Variants in DIPK1A observed in about 807,000 individuals in gnomAD.
DIPK1A encodes family with sequence similarity 69 member A.
Under a neutral mutation model 40.8 loss-of-function variants are expected in DIPK1A, and 27 were observed. That is an observed-to-expected ratio of 0.66 (90% CI 0.49 to 0.91). DIPK1A has a LOEUF of 0.91. DIPK1A is among the 40% of genes least tolerant of loss of function. The pLI, the probability that DIPK1A is intolerant of heterozygous loss-of-function variation, is 0.00. For missense variants in DIPK1A, 412 were observed against 505.7 expected, an observed-to-expected ratio of 0.81 and a Z score of 1.78; for synonymous variants, 166 against 171.3, an observed-to-expected ratio of 0.97 and a Z score of 0.24.
intron 1 of DIPK1A, among the ~76,000 whole-genome samples, chr1:92,925,472 T>C (rs755155751): frequency 1.3e-5 from 2 of 152,108 alleles, no homozygotes; most frequent in Non-Finnish European, 2.9e-5. Flanking sequence ...TAAAAGACTA[T>C]TCAGTTTTTT....
chr1:92,882,270 C>T (rs567219563), intron 1 of DIPK1A, among the ~76,000 whole-genome samples: 10 of 152,342 alleles, frequency 6.6e-5, no homozygotes, highest in African/African-American at 2.2e-4. Context: ...CGCCTGTAAT[C>T]CCAGCTACTT....
intron 2 of DIPK1A, among the ~76,000 whole-genome samples, chr1:92,858,132 C>T (rs1018787039): frequency 1.3e-5 from 2 of 152,196 alleles, no homozygotes; most frequent in Admixed American, 6.5e-5. Flanking sequence ...GGCCCTCTGT[C>T]ATGAACAATT....
chr1:92,915,083 CAAAAAAA>C (rs10583235), intron 1 of DIPK1A, among the ~76,000 whole-genome samples: 7 of 80,080 alleles, frequency 8.7e-5, no homozygotes, highest in Admixed American at 6.8e-4. Context: ...GCAAGACTGT[CAAAAAAA>C]AAAAAAAAAA....
intron 1 of DIPK1A, among the ~76,000 whole-genome samples, chr1:92,936,615 G>T (rs1650956777): frequency 1.3e-5 from 2 of 149,388 alleles, no homozygotes; most frequent in Non-Finnish European, 3.0e-5. Context: ...GGCAACAAGA[G>T]CGAAACTCCG....
chr1:92,840,150 C>T, downstream of DIPK1A: 1 of 250,724 alleles, frequency 4.0e-6, no homozygotes, highest in Non-Finnish European at 7.8e-6. Flanking sequence ...ACTACAGGTG[C>T]ATGCCACCAT....
At chr1:92,917,233 A>G (rs1650088804) in intron 1 of DIPK1A, among the ~76,000 whole-genome samples, 1 of 152,190 alleles carries the variant, frequency 6.6e-6, no homozygotes, top group Non-Finnish European at 1.5e-5. Context: ...AAGGCTATAT[A>G]TAGATTTTTT....
chr1:92,844,302 A>C, intron 4 of DIPK1A, 107 bp from the exon 5 acceptor site: 1 of 690,420 alleles, frequency 1.4e-6, no homozygotes, highest in East Asian at 2.7e-5. Context: ...TAATCTTGGT[A>C]CTGAATCCCC....
At chr1:92,855,023 A>G (rs940007497) in intron 2 of DIPK1A, among the ~76,000 whole-genome samples, 3 of 152,212 alleles carry the variant, frequency 2.0e-5, no homozygotes, top group African/African-American at 4.8e-5. Context: ...AAAAAAGTCA[A>G]GTTGAAGTCC....
rs1272308261 is a variant in DIPK1A at position 92,834,809 on chromosome 1, A to G, written c.475-1775T>C. On this transcript the variant is annotated intron_variant, in intron 4 of 4. Coordinates refer to the DIPK1A transcript ENST00000615519. ...TTATGCCCGTATAGAGGGGGATATG[A>G]TAGTCTGCGCAGCGTATGCACACGA... 9.9e-6 allele frequency: 16 copies of G among 1,613,238 alleles called. No homozygotes were observed. The highest frequency in any genetic ancestry group is 1.7e-5 in the Admixed American group (1 of 60,000).
intron 4 of DIPK1A, among the ~76,000 whole-genome samples, chr1:92,846,792 CATATATATAT>C (rs1180062565): frequency 1.9e-4 from 3 of 16,048 alleles, no homozygotes; most frequent in Non-Finnish European, 2.5e-4. Flanking sequence ...CCACTCCTGG[CATATATATAT>C]ATATATATAT....
chr1:92,845,833 T>TA (rs11407255), intron 4 of DIPK1A, among the ~76,000 whole-genome samples: 83,689 of 142,252 alleles, frequency 0.59, 25,218 homozygotes, highest in East Asian at 0.92. Context: ...AGACTCCGTC[T>TA]AAAAAAAAAA....
chr1:92,941,815 G>A (rs1292230650), intron 1 of DIPK1A, among the ~76,000 whole-genome samples: 1 of 152,002 alleles, frequency 6.6e-6, no homozygotes, highest in Non-Finnish European at 1.5e-5. Flanking sequence ...CTCTATACTC[G>A]AAAAGTGCAC....
intron 1 of DIPK1A, among the ~76,000 whole-genome samples, chr1:92,928,499 A>G (rs1348878241): frequency 2.0e-5 from 3 of 152,212 alleles, no homozygotes; most frequent in African/African-American, 7.2e-5. Flanking sequence ...TGAAGATATG[A>G]GTTACCAGTT....
intron 1 of DIPK1A, among the ~76,000 whole-genome samples, chr1:92,951,110 T>G (rs1426690764): frequency 6.6e-6 from 1 of 152,120 alleles, no homozygotes; most frequent in Non-Finnish European, 1.5e-5. Context: ...GACTTTAAAA[T>G]AGAGATTATC....
intron 1 of DIPK1A, among the ~76,000 whole-genome samples, chr1:92,878,937 G>A (rs1648253297): frequency 6.6e-6 from 1 of 152,194 alleles, no homozygotes; most frequent in Non-Finnish European, 1.5e-5. Context: ...AACCTGGGGG[G>A]CGGAGGTTGC....
chr1:92,942,955 G>A (rs1220453507), intron 1 of DIPK1A, among the ~76,000 whole-genome samples: 2 of 152,226 alleles, frequency 1.3e-5, no homozygotes, highest in Non-Finnish European at 2.9e-5. Flanking sequence ...GGGCCACTGC[G>A]CCCAGCTAAT....
At chr1:92,863,508 A>G (rs945154798) in intron 2 of DIPK1A, among the ~76,000 whole-genome samples, 3 of 149,732 alleles carry the variant, frequency 2.0e-5, no homozygotes, top group Non-Finnish European at 4.4e-5. Flanking sequence ...GAGGTGGGGG[A>G]AATCAATTGA....
intron 1 of DIPK1A, among the ~76,000 whole-genome samples, chr1:92,942,865 A>G (rs1224085449): frequency 6.6e-6 from 1 of 152,154 alleles, no homozygotes; most frequent in Non-Finnish European, 1.5e-5. Context: ...GGGTTTCACC[A>G]TGTTGGTCAG....
At chr1:92,875,778 C>G (rs1431508030) in intron 2 of DIPK1A, among the ~76,000 whole-genome samples, 1 of 150,544 alleles carries the variant, frequency 6.6e-6, no homozygotes, top group Non-Finnish European at 1.5e-5. Context: ...ACTTGAAATT[C>G]TCAAATTTTT....
Sources: allele counts gnomAD v4.1 joint callset (sites outside exome capture counted in the v4.1 genomes callset), GRCh38; gene constraint gnomAD v4.1.1; transcripts MANE v1.5; gene names NCBI Gene and HGNC (gene_info 2026-07-23, HGNC 2026-07-21).